The following TGFBR3 variants were observed in gnomAD, a reference collection of about 807,000 sequenced individuals.
The protein encoded by TGFBR3 is transforming growth factor beta receptor type 3.
In TGFBR3, 46 loss-of-function variants were observed where a neutral mutation model predicts 87.9. That is an observed-to-expected ratio of 0.52 (90% CI 0.41 to 0.67). The LOEUF (loss-of-function observed/expected upper bound fraction) is 0.67, where lower values mean the gene tolerates loss of function less well. Ranked by LOEUF, TGFBR3 falls within the 30% of genes least tolerant of loss-of-function variation. TGFBR3 has a pLI of 0.00. For missense variants in TGFBR3, 866 were observed against 1,041.9 expected (o/e 0.83, Z 2.32); for synonymous variants, 381 against 391.6 (o/e 0.97, Z 0.32).
chr1:91,720,380 A>G, intron 8 of TGFBR3, 150 bp from the exon 9 acceptor site: 1 of 819,804 alleles, frequency 1.2e-6, no homozygotes, highest in Non-Finnish European at 2.0e-6. Context: ...AGAAGTCTAG[A>G]AGCCTGAATT....
chr1:91,735,548 A>G (rs1048109231), intron 4 of TGFBR3, among the ~76,000 whole-genome samples: 2 of 152,228 alleles, frequency 1.3e-5, no homozygotes, highest in African/African-American at 4.8e-5. Flanking sequence ...TAAGAGTGAG[A>G]TGAATGTTTG....
intron 4 of TGFBR3, among the ~76,000 whole-genome samples, chr1:91,753,268 T>C (rs942643805): frequency 1.1e-4 from 17 of 151,662 alleles, no homozygotes; most frequent in African/African-American, 4.1e-4. Context: ...CATGCACCTG[T>C]AGTCCCAGCT....
At chr1:91,745,396 C>T (rs1015829417) in intron 4 of TGFBR3, among the ~76,000 whole-genome samples, 1 of 152,196 alleles carries the variant, frequency 6.6e-6, no homozygotes, top group African/African-American at 2.4e-5. Context: ...CAAGAACTTG[C>T]TGGCTCAGTT....
chr1:91,821,667 CT>C (rs2101062117), intron 2 of TGFBR3, among the ~76,000 whole-genome samples: 1 of 152,298 alleles, frequency 6.6e-6, no homozygotes, highest in East Asian at 1.9e-4. Flanking sequence ...CTTCCTCCTC[CT>C]CTGTGGTCAG....
intron 9 of TGFBR3, 148 bp from the exon 10 acceptor site, chr1:91,719,612 C>G: frequency 9.5e-7 from 1 of 1,057,498 alleles, no homozygotes; most frequent in Non-Finnish European, 1.4e-6. Context: ...TTCCCAGCTG[C>G]CCACCTCTCA....
At chr1:91,717,604 A>G (rs919919440) in intron 10 of TGFBR3, among the ~76,000 whole-genome samples, 1 of 152,000 alleles carries the variant, frequency 6.6e-6, no homozygotes, top group Non-Finnish European at 1.5e-5. Context: ...AGAAATATAT[A>G]GTAAGTCTGA....
At chr1:91,835,402 C>T (rs1046919084) in intron 2 of TGFBR3, among the ~76,000 whole-genome samples, 1 of 152,156 alleles carries the variant, frequency 6.6e-6, no homozygotes, top group Admixed American at 6.5e-5. Context: ...TGTAGCACAA[C>T]ACAAGGAAGA....
chr1:91,836,820 A>G (rs1009172355), intron 2 of TGFBR3, among the ~76,000 whole-genome samples: 1 of 152,136 alleles, frequency 6.6e-6, no homozygotes, highest in African/African-American at 2.4e-5. Flanking sequence ...AGTATAACAC[A>G]TACACGCTGC....
intron 1 of TGFBR3, among the ~76,000 whole-genome samples, chr1:91,865,152 G>A (rs1317152265): frequency 2.1e-5 from 3 of 144,958 alleles, no homozygotes; most frequent in Non-Finnish European, 3.0e-5. Flanking sequence ...GCAATGAGCC[G>A]AGATTATGCC....
At chr1:91,695,819 A>G in intron 15 of TGFBR3, 40 bp from the exon 16 acceptor site, 2 of 1,522,494 alleles carry the variant, frequency 1.3e-6, no homozygotes, top group Non-Finnish European at 1.8e-6. Context: ...CTTTTTGGTT[A>G]GTCTGCATCA....
chr1:91,762,163 C>G (rs545691989), intron 3 of TGFBR3, among the ~76,000 whole-genome samples: 20 of 152,324 alleles, frequency 1.3e-4, no homozygotes, highest in African/African-American at 4.8e-4. Context: ...AATGACCAGT[C>G]TCGAAACCAC....
intron 2 of TGFBR3, among the ~76,000 whole-genome samples, chr1:91,808,457 T>C (rs1675916481): frequency 6.6e-6 from 1 of 152,236 alleles, no homozygotes; most frequent in East Asian, 1.9e-4. Flanking sequence ...TTTACTTTGT[T>C]TGGTATTTTG....
upstream of TGFBR3, among the ~76,000 whole-genome samples, chr1:91,890,576 C>A (rs2479873): frequency 5.6e-3 from 855 of 151,896 alleles, 6 homozygotes; most frequent in African/African-American, 0.02. Flanking sequence ...CACGCCACCA[C>A]GCCCTGCTAA....
chr1:91,827,992 C>A (rs1305596678), intron 2 of TGFBR3, among the ~76,000 whole-genome samples: 1 of 152,146 alleles, frequency 6.6e-6, no homozygotes, highest in Non-Finnish European at 1.5e-5. Flanking sequence ...GCAGAGACAC[C>A]AGTTCAGTTC....
intron 3 of TGFBR3, among the ~76,000 whole-genome samples, chr1:91,770,474 T>C (rs1032868430): frequency 6.6e-6 from 1 of 152,160 alleles, no homozygotes; most frequent in South Asian, 2.1e-4. Flanking sequence ...GCAGCAAATA[T>C]AGAGTATAGT....
At position 91,708,761 on chromosome 1, in the gene TGFBR3, CAG is replaced by C. The variant is rs1344785703; in HGVS notation, c.2187_2188del (p.Cys730HisfsTer15). ...GATTATCGAGGCGTCCAGCGAGGTGCAGGCTTCGTCAGGAGGCACACACTGCA... is the reference window on the plus strand; with the variant it reads ...GATTATCGAGGCGTCCAGCGAGGTGCGCTTCGTCAGGAGGCACACACTGCA... On this transcript the variant is annotated frameshift_variant, in exon 14 of 17. Transcript: ENST00000212355. LOFTEE classifies it high-confidence loss of function. The C allele has an allele frequency of 6.2e-7, 1 of 1,613,976 alleles. No individual in the cohort carries two copies. The highest frequency in any genetic ancestry group is 8.5e-7 in the Non-Finnish European group (1 of 1,179,970).
At chr1:91,833,312 A>AAC (rs1676929578) in intron 2 of TGFBR3, among the ~76,000 whole-genome samples, 2 of 145,818 alleles carry the variant, frequency 1.4e-5, no homozygotes, top group Non-Finnish European at 3.0e-5. Context: ...AAAAAAAAAA[A>AAC]AAAACAGGCC....
At chr1:91,746,690 C>T (rs1673360053) in intron 4 of TGFBR3, among the ~76,000 whole-genome samples, 1 of 152,000 alleles carries the variant, frequency 6.6e-6, no homozygotes, top group South Asian at 2.1e-4. Flanking sequence ...TTTACAAATG[C>T]CTGGCTCCAA....
At position 91,712,350 on chromosome 1, in the gene TGFBR3, G is replaced by A. The variant is rs769971153; in HGVS notation, c.2059C>T (p.Arg687Ter). The A allele has an allele frequency of 5.0e-6, 8 of 1,614,166 alleles. No homozygotes were observed. The highest frequency in any genetic ancestry group is 1.3e-5 in the African/African-American group (1 of 75,050). ...PIPQADMDKK[R>*]FSFVFKPVFN... ...ACAGGCTTGAAGACAAAGCTGAATC[G>A]CTTCTTATCCATGTCAGCTTGCGGG... The change falls in exon 13 of 17, where the codon CGA becomes TGA. Residue 687 changes from arginine (R) to a stop codon, truncating the protein, a stop_gained. Coordinates refer to ENST00000212355, the MANE Select transcript of TGFBR3 (RefSeq NM_003243.5). LOFTEE classifies it high-confidence loss of function.
Sources: allele counts gnomAD v4.1 joint callset (sites outside exome capture counted in the v4.1 genomes callset), GRCh38; gene constraint gnomAD v4.1.1; transcripts MANE v1.5; gene names NCBI Gene and HGNC (gene_info 2026-07-23, HGNC 2026-07-21).